WDR49: variants seen among roughly 807,000 people sequenced by gnomAD.
WDR49 encodes the protein cilia- and flagella-associated protein 337.
In WDR49, 107 loss-of-function variants were observed where a neutral mutation model predicts 119.5. That is an observed-to-expected ratio of 0.90 (90% CI 0.77 to 1.05). The LOEUF (loss-of-function observed/expected upper bound fraction) is 1.05, where lower values mean the gene tolerates loss of function less well. Among genes scored for constraint, WDR49 ranks in the 50% least tolerant of loss-of-function variants. The pLI is 0.00. For missense variants in WDR49, 1,240 were observed against 1,220.5 expected (o/e 1.02, Z -0.24); for synonymous variants, 425 against 418.8 (o/e 1.01, Z -0.18).
rs867108840 is a variant in WDR49 at position 167,653,260 on chromosome 3, C to T, written c.165+1G>A. ...ATCTGGTCAATAAGCTTCACACTTA[C>T]CTCAAAGGCCTTCTGTATTTTTACA... is the stretch of plus-strand genomic sequence containing the variant. On this transcript the variant is annotated splice_donor_variant, in intron 2 of 18. Transcript: ENST00000682715. LOFTEE classifies it high-confidence loss of function. 3.9e-6 allele frequency: 6 copies of T among 1,536,054 alleles called. No homozygotes were observed. The Middle Eastern group carries it at 1.0e-3, about 256-fold the overall frequency.
At chr3:167,554,900 C>T (rs760941519) in intron 9 of WDR49, 102 bp from the exon 10 acceptor site, 7 of 851,456 alleles carry the variant, frequency 8.2e-6, no homozygotes, top group Non-Finnish European at 1.2e-5. Flanking sequence ...TAAAGAAAAT[C>T]AACTCATCAT....
intron 13 of WDR49, among the ~76,000 whole-genome samples, chr3:167,529,790 C>T (rs1419828679): frequency 6.6e-6 from 1 of 151,882 alleles, no homozygotes; most frequent in Non-Finnish European, 1.5e-5. Flanking sequence ...CTTATAAAAC[C>T]CCTTTTTGGT....
chr3:167,534,627 A>C (rs147124072), intron 11 of WDR49, among the ~76,000 whole-genome samples: 73 of 152,262 alleles, frequency 4.8e-4, no homozygotes, highest in African/African-American at 1.3e-3. Context: ...TTTTCCTGTA[A>C]GTTTTCATTC....
rs762824519 is a variant in WDR49 at position 167,604,397 on chromosome 3, A to G, written c.1030T>C (p.Trp344Arg). ...TSNTNSVVMA[W>R]REKSKKRLNM... ...AGACGCTTTTTTGATTTCTCTCTCC[A>G]AGCCATCACCACACTATTTGTATTG... Residue 344 changes from tryptophan to arginine, a missense_variant, in exon 6 of 19, where the codon TGG becomes CGG. Coordinates refer to ENST00000682715, the MANE Select transcript of WDR49 (RefSeq NM_001366157.1). The G allele has an allele frequency of 6.2e-7, 1 of 1,613,768 alleles. No homozygotes were observed. The highest frequency in any genetic ancestry group is 8.5e-7 in the Non-Finnish European group (1 of 1,179,882).
At chr3:167,592,051 T>C (rs947274451) in intron 7 of WDR49, among the ~76,000 whole-genome samples, 1 of 152,200 alleles carries the variant, frequency 6.6e-6, no homozygotes, top group African/African-American at 2.4e-5. Context: ...TTTGTATTTT[T>C]TGTTCATTCC....
At chr3:167,564,362 T>C (rs191787757) in intron 8 of WDR49, among the ~76,000 whole-genome samples, 3 of 152,124 alleles carry the variant, frequency 2.0e-5, no homozygotes, top group Admixed American at 1.3e-4. Flanking sequence ...AATAACAATA[T>C]AGGGGAAAGG....
At chr3:167,621,060 T>C (rs563427654) in intron 4 of WDR49, among the ~76,000 whole-genome samples, 63 of 152,216 alleles carry the variant, frequency 4.1e-4, no homozygotes, top group African/African-American at 1.5e-3. Context: ...CGGTAGGAAA[T>C]TGGTACTGAG....
At chr3:167,495,945 A>G (rs4955712) in intron 18 of WDR49, among the ~76,000 whole-genome samples, 46,741 of 147,396 alleles carry the variant, frequency 0.32, 7,695 homozygotes, top group East Asian at 0.46. Flanking sequence ...TTCAAATCCA[A>G]TGAAAAATCC....
At chr3:167,546,952 G>T (rs1712243219) in intron 10 of WDR49, among the ~76,000 whole-genome samples, 1 of 151,736 alleles carries the variant, frequency 6.6e-6, no homozygotes, top group African/African-American at 2.4e-5. Flanking sequence ...ATATAATTCA[G>T]CTTATTTTTA....
At chr3:167,612,952 T>C (rs1716413083) in intron 5 of WDR49, among the ~76,000 whole-genome samples, 1 of 152,124 alleles carries the variant, frequency 6.6e-6, no homozygotes, top group African/African-American at 2.4e-5. Flanking sequence ...ACAAAAAAAT[T>C]TACTTAAAAA....
chr3:167,604,296 C>G lies in WDR49; in HGVS notation c.1126+5G>C, dbSNP rs772242637. On this transcript the variant is annotated splice_donor_5th_base_variant and intron_variant, in intron 6 of 18. Coordinates refer to ENST00000682715, the MANE Select transcript of WDR49 (RefSeq NM_001366157.1). The stretch of plus-strand genomic sequence containing the variant: ...CTCATAGTTATCATGATTTATTTTA[C>G]CTACCAATTAAATTGAGCCGAGAGT... 1 of 1,612,884 alleles carries G rather than the reference C, an allele frequency of 6.2e-7. No individual in the cohort carries two copies. Among genetic ancestry groups the G allele is most frequent in the East Asian group, 2.2e-5 (1 of 44,790 alleles).
intron 8 of WDR49, among the ~76,000 whole-genome samples, chr3:167,574,020 A>G (rs960909078): frequency 6.6e-6 from 1 of 152,234 alleles, no homozygotes; most frequent in Admixed American, 6.5e-5. Context: ...GGCCTCAGGC[A>G]GAATTGATCA....
intron 7 of WDR49, among the ~76,000 whole-genome samples, chr3:167,594,152 T>C (rs775176625): frequency 1.3e-5 from 2 of 152,104 alleles, no homozygotes; most frequent in African/African-American, 2.4e-5. Context: ...TAAAGATACC[T>C]GGAAATGTGG....
chr3:167,488,577 C>G (rs907547270), intron 18 of WDR49, among the ~76,000 whole-genome samples: 4 of 152,018 alleles, frequency 2.6e-5, no homozygotes, highest in African/African-American at 9.7e-5. Flanking sequence ...TCTTAAAGCA[C>G]CCTCAAGTTC....
intron 8 of WDR49, among the ~76,000 whole-genome samples, chr3:167,562,353 G>A (rs1251002049): frequency 1.3e-5 from 2 of 152,068 alleles, no homozygotes; most frequent in Non-Finnish European, 2.9e-5. Flanking sequence ...CAAAGGAGGG[G>A]AGCAACTGAA....
intron 9 of WDR49, among the ~76,000 whole-genome samples, chr3:167,556,095 A>C (rs1712910013): frequency 6.6e-6 from 1 of 152,216 alleles, no homozygotes; most frequent in African/African-American, 2.4e-5. Flanking sequence ...GTTAACTGAA[A>C]TGTTGCTAGA....
Position 167,522,311 on chromosome 3 carries a change from T to C in WDR49, c.2774+4A>G. On this transcript the variant is annotated splice_donor_region_variant and intron_variant, in intron 16 of 18. Coordinates refer to ENST00000682715, the MANE Select transcript of WDR49 (RefSeq NM_001366157.1). ...ACATCTGGCTAATGTTCAAAATTAC[T>C]TACTTGTATGTTGAGTCATCTTTGT... is the stretch of plus-strand genomic sequence containing the variant. 1.3e-6 allele frequency: 2 copies of C among 1,571,288 alleles called. No individual in the cohort carries two copies. The highest frequency in any genetic ancestry group is 1.7e-6 in the Non-Finnish European group (2 of 1,168,270).
intron 2 of WDR49, among the ~76,000 whole-genome samples, chr3:167,640,478 C>T (rs939071269): frequency 1.3e-5 from 2 of 151,918 alleles, no homozygotes; most frequent in African/African-American, 4.8e-5. Context: ...CTGTTGCAAT[C>T]CAGCAGTTCC....
chr3:167,488,317 TCA>T (rs1341794892), intron 18 of WDR49, among the ~76,000 whole-genome samples: 1 of 152,026 alleles, frequency 6.6e-6, no homozygotes, highest in African/African-American at 2.4e-5. Context: ...CCACATGTTC[TCA>T]CTTATAATTA....
Sources: gnomAD v4.1 joint callset for allele counts (sites outside exome capture counted in the v4.1 genomes callset) on GRCh38, gnomAD v4.1.1 for gene constraint, MANE v1.5 for transcripts, NCBI Gene and HGNC (gene_info 2026-07-23, HGNC 2026-07-21) for gene names.